Variants in MPZL1 observed in about 807,000 individuals in gnomAD.
The protein encoded by MPZL1 is myelin protein zero-like protein 1.
Under a neutral mutation model 29.3 loss-of-function variants are expected in MPZL1, and 16 were observed. The ratio of observed to expected loss-of-function variants is 0.55; its 90% CI spans 0.37 to 0.83. The LOEUF is 0.83. Ranked by LOEUF, MPZL1 falls within the 40% of genes least tolerant of loss-of-function variation. The probability of loss-of-function intolerance (pLI) is 0.00; values close to 1 mark genes in which losing one functional copy is unlikely to be tolerated. For synonymous variants in MPZL1, 143 were observed against 132.0 expected, an observed-to-expected ratio of 1.08 and a Z score of -0.57; for missense variants, 279 against 332.9, an observed-to-expected ratio of 0.84 and a Z score of 1.26.
At position 167,727,872 on chromosome 1, in the gene MPZL1, C is replaced by CTTTTTT. The variant is rs748327482; in HGVS notation, c.91+5639_91+5644dup. 5.0e-3 allele frequency among the ~76,000 whole-genome samples: 691 copies of CTTTTTT among 137,752 alleles called. 12 individuals are homozygous for CTTTTTT. Among genetic ancestry groups the CTTTTTT allele is most frequent in the African/African-American group, 0.018 (650 of 36,546 alleles). The allele number at this position is 137,752 out of a possible 152,430, so 90.4% of individuals were successfully genotyped here. ...TTCATTATCTTTTTTCTTTCTTTTC[C>CTTTTTT]TTTTTTTTTTTTTTGAGACAGAGTC... On this transcript the variant is annotated intron_variant, in intron 1 of 5. Coordinates refer to ENST00000359523, the MANE Select transcript of MPZL1 (RefSeq NM_003953.6).
chr1:167,725,554 C>T (rs752380033), intron 1 of MPZL1, among the ~76,000 whole-genome samples: 3 of 152,102 alleles, frequency 2.0e-5, no homozygotes. Context: ...AGCGTGATCT[C>T]GGCTCACCAC....
At chr1:167,770,631 G>T (rs761397049) in intron 2 of MPZL1, among the ~76,000 whole-genome samples, 2 of 152,158 alleles carry the variant, frequency 1.3e-5, no homozygotes, top group African/African-American at 2.4e-5. Context: ...CTTCTCCTTT[G>T]TGCTTCTGTG....
At chr1:167,754,078 A>G (rs1299417469) in intron 1 of MPZL1, among the ~76,000 whole-genome samples, 1 of 151,684 alleles carries the variant, frequency 6.6e-6, no homozygotes, top group Admixed American at 6.6e-5. Context: ...GTTCGCTGCA[A>G]CCTCTGCCTC....
At position 167,776,179 on chromosome 1, in the gene MPZL1, T is replaced by G; in HGVS notation, c.708+13T>G. ...TGGATCTCACCAGGTAATGGCTGAT[T>G]GCGATTCTGCCCACTGCACTGTTCC... On this transcript the variant is annotated intron_variant, in intron 5 of 5. Transcript: ENST00000359523. 6.3e-7 allele frequency: 1 copy of G among 1,591,016 alleles called. No individual in the cohort carries two copies. Among genetic ancestry groups the G allele is most frequent in the Non-Finnish European group, 8.6e-7 (1 of 1,160,158 alleles).
chr1:167,775,912 A>G (rs1261819012), intron 4 of MPZL1, 152 bp from the exon 5 acceptor site: 3 of 458,022 alleles, frequency 6.5e-6, no homozygotes, highest in Non-Finnish European at 1.1e-5. Context: ...GTTTAAAAAC[A>G]TGTGATCATT....
At chr1:167,750,705 T>C (rs1004714138) in intron 1 of MPZL1, among the ~76,000 whole-genome samples, 1 of 152,174 alleles carries the variant, frequency 6.6e-6, no homozygotes, top group African/African-American at 2.4e-5. Context: ...TTATCAAAAT[T>C]AGGAAATGAA....
At chr1:167,774,558 G>A (rs1258369953) in intron 4 of MPZL1, 1 of 152,234 alleles carries the variant, frequency 6.6e-6, no homozygotes, top group Non-Finnish European at 1.5e-5. Flanking sequence ...AATATAGTTG[G>A]ACTATTGGTT....
chr1:167,772,672 T>C (rs1002333615), intron 3 of MPZL1, among the ~76,000 whole-genome samples, 184 bp downstream of exon 3: 7 of 152,204 alleles, frequency 4.6e-5, no homozygotes, highest in Admixed American at 3.9e-4. Context: ...TTGTTGCTCA[T>C]TCTGACCCAG....
rs114626838 is a variant in MPZL1, at chr1:167,731,415, C to T, written c.91+9173C>T. The stretch of plus-strand genomic sequence containing the variant: ...TTGTGCTACTGCACTTTTGCCTGGG[C>T]GACAGAGTAAAACTGTGTCTTTTTT... On this transcript the variant is annotated intron_variant, in intron 1 of 5. Coordinates refer to ENST00000359523, the MANE Select transcript of MPZL1 (RefSeq NM_003953.6). Among the ~76,000 whole-genome samples, 980 of 147,336 alleles carry T rather than the reference C, an allele frequency of 6.7e-3. 11 individuals are homozygous for T. Among genetic ancestry groups the T allele is most frequent in the African/African-American group, 0.023 (934 of 40,192 alleles).
In MPZL1 at chr1:167,746,376, C is replaced by T. The variant is rs557098855; in HGVS notation, c.92-19207C>T. On this transcript the variant is annotated intron_variant, in intron 1 of 5. Coordinates refer to ENST00000359523, the MANE Select transcript of MPZL1 (RefSeq NM_003953.6). Reference sequence around the variant, plus strand: ...CCTTTGAAAGGCTCTGTGTGCCGTGCGAGGGAGTTGAGGCTGTCTTGGCAT... The same window carrying T: ...CCTTTGAAAGGCTCTGTGTGCCGTGTGAGGGAGTTGAGGCTGTCTTGGCAT... 6.0e-5 allele frequency among the ~76,000 whole-genome samples: 9 copies of T among 151,090 alleles called. No homozygotes were observed. The South Asian group carries it at 1.5e-3, about 24-fold the overall frequency.
chr1:167,763,509 A>G (rs1661041053), intron 1 of MPZL1, among the ~76,000 whole-genome samples: 1 of 151,948 alleles, frequency 6.6e-6, no homozygotes, highest in Admixed American at 6.6e-5. Context: ...TCAAAAAAAA[A>G]AAAAAGAAAG....
intron 1 of MPZL1, among the ~76,000 whole-genome samples, chr1:167,748,157 A>G (rs1008489473): frequency 3.3e-5 from 5 of 152,158 alleles, no homozygotes; most frequent in African/African-American, 4.8e-5. Flanking sequence ...TCTTGTGTAT[A>G]TACTTAGGAT....
At chr1:167,728,268 C>G (rs1431483286) in intron 1 of MPZL1, among the ~76,000 whole-genome samples, 2 of 151,838 alleles carry the variant, frequency 1.3e-5, no homozygotes, top group African/African-American at 2.4e-5. Flanking sequence ...TCTCCAACTC[C>G]TGACCTCAGG....
chr1:167,773,324 G>A lies in MPZL1; in HGVS notation c.561G>A (p.Leu187=). 2 of 1,613,994 alleles carry A rather than the reference G, an allele frequency of 1.2e-6. No homozygotes were observed. Among genetic ancestry groups the A allele is most frequent in the Non-Finnish European group, 1.7e-6 (2 of 1,179,908 alleles). Residue 187 remains leucine, a synonymous_variant, in exon 4 of 6, where the codon CTG becomes CTA. Coordinates refer to ENST00000359523, the MANE Select transcript of MPZL1 (RefSeq NM_003953.6). ...LGLTLLISMI[L]AVLYRRKNSK... is the part of the protein sequence containing the mutation. ...TCACTCTGCTCATCAGCATGATTCT[G>A]GCTGTCCTCTATAGAAGGAAAAACT...
intron 2 of MPZL1, 141 bp from the exon 3 acceptor site, chr1:167,772,133 GA>G: frequency 1.4e-6 from 1 of 701,166 alleles, no homozygotes; most frequent in South Asian, 1.9e-5. Flanking sequence ...GGAGGAGAGA[GA>G]GGGGGAGAGG....
intron 2 of MPZL1, among the ~76,000 whole-genome samples, chr1:167,771,768 G>C (rs188853476): frequency 2.0e-5 from 3 of 152,268 alleles, no homozygotes; most frequent in Non-Finnish European, 4.4e-5. Context: ...GGGAGACCAA[G>C]GCAGGTGGCT....
At chr1:167,732,563 C>G (rs1049380578) in intron 1 of MPZL1, among the ~76,000 whole-genome samples, 1 of 152,190 alleles carries the variant, frequency 6.6e-6, no homozygotes, top group African/African-American at 2.4e-5. Flanking sequence ...GGTGATCCTC[C>G]TGTCTCAGTC....
At chr1:167,741,920 C>T (rs960178738) in intron 1 of MPZL1, among the ~76,000 whole-genome samples, 2 of 152,056 alleles carry the variant, frequency 1.3e-5, no homozygotes, top group African/African-American at 4.8e-5. Context: ...GTAGTCCCAG[C>T]TACTCAGGAG....
intron 2 of MPZL1, among the ~76,000 whole-genome samples, chr1:167,770,033 G>C (rs1661204322): frequency 6.6e-6 from 1 of 152,208 alleles, no homozygotes; most frequent in Admixed American, 6.5e-5. Context: ...GATGAAGTTT[G>C]TAAGAGAGGG....
Sources: allele counts gnomAD v4.1 joint callset (sites outside exome capture counted in the v4.1 genomes callset), GRCh38; gene constraint gnomAD v4.1.1; transcripts MANE v1.5; gene names NCBI Gene and HGNC (gene_info 2026-07-23, HGNC 2026-07-21).